Variants in DROSHA observed in about 807,000 individuals in gnomAD.
DROSHA encodes ribonuclease 3.
A neutral mutation model predicts 181.9 loss-of-function variants in DROSHA; 56 were observed. That is an observed-to-expected ratio of 0.31 (90% CI 0.25 to 0.38). DROSHA has a LOEUF of 0.38. Among genes scored for constraint, DROSHA ranks in the 10% least tolerant of loss-of-function variants. DROSHA has a pLI of 1.00. For missense variants in DROSHA, 1,218 were observed against 1,743.5 expected (o/e 0.70, Z 5.37); for synonymous variants, 524 against 591.2 (o/e 0.89, Z 1.65).
intron 9 of DROSHA, among the ~76,000 whole-genome samples, chr5:31,508,991 T>C (rs1274183779): frequency 6.6e-6 from 1 of 152,064 alleles, no homozygotes; most frequent in African/African-American, 2.4e-5. Flanking sequence ...CCCAGCTATT[T>C]TTTGTGTTTT....
chr5:31,481,514 T>C (rs1482694410), intron 16 of DROSHA, among the ~76,000 whole-genome samples: 1 of 152,230 alleles, frequency 6.6e-6, no homozygotes, highest in East Asian at 1.9e-4. Flanking sequence ...AACACCATTT[T>C]CTAATAAGTT....
chr5:31,508,081 ATC>A (rs1166139482), intron 10 of DROSHA, among the ~76,000 whole-genome samples: 2 of 152,218 alleles, frequency 1.3e-5, no homozygotes, highest in Non-Finnish European at 2.9e-5. Context: ...TGTATTATAT[ATC>A]TGTGTGACAC....
intron 16 of DROSHA, among the ~76,000 whole-genome samples, chr5:31,472,539 C>T (rs370353663): frequency 6.6e-6 from 1 of 152,136 alleles, no homozygotes; most frequent in African/African-American, 2.4e-5. Flanking sequence ...TTTAAAGCCA[C>T]CTAGCATAAA....
Position 31,515,230 on chromosome 5 carries a change from G to A in DROSHA, c.1059-11C>T. The stretch of plus-strand genomic sequence containing the variant: ...CTACTTGGGGAGCGACTTCAAAAGA[G>A]GGCAAAGGAGGTTAATTATTAAAAA... On this transcript the variant is annotated splice_polypyrimidine_tract_variant and intron_variant, in intron 7 of 35. Coordinates refer to ENST00000344624, the MANE Select transcript of DROSHA (RefSeq NM_001382508.1). The A allele has an allele frequency of 6.3e-7, 1 of 1,591,528 alleles. No homozygotes were observed. Among genetic ancestry groups the A allele is most frequent in the Non-Finnish European group, 8.5e-7 (1 of 1,173,748 alleles).
At chr5:31,531,384 T>G (rs144001786) in intron 2 of DROSHA, 66 bp downstream of exon 2, 5 of 152,350 alleles carry the variant, frequency 3.3e-5, no homozygotes, top group African/African-American at 1.2e-4. Flanking sequence ...ATTGACCTAT[T>G]GAAGGCATAG....
At chr5:31,408,773 T>C (rs1335898075) in intron 33 of DROSHA, 2 of 284,630 alleles carry the variant, frequency 7.0e-6, no homozygotes, top group Admixed American at 4.7e-5. Flanking sequence ...TTCTTTTTAA[T>C]CTCATAATCT....
chr5:31,531,580 G>C (rs1026325550), intron 1 of DROSHA, 55 bp from the exon 2 acceptor site: 1 of 152,204 alleles, frequency 6.6e-6, no homozygotes, highest in African/African-American at 2.4e-5. Context: ...ATTTTAAAGT[G>C]TGACTACATT....
chr5:31,462,966 C>T (rs1561200335), intron 20 of DROSHA, among the ~76,000 whole-genome samples: 1 of 152,146 alleles, frequency 6.6e-6, no homozygotes, highest in Non-Finnish European at 1.5e-5. Context: ...TGACTTATCA[C>T]TGAGATCATC....
chr5:31,503,684 T>C (rs1394957519), intron 11 of DROSHA, among the ~76,000 whole-genome samples: 2 of 152,172 alleles, frequency 1.3e-5, no homozygotes, highest in Admixed American at 1.3e-4. Context: ...CCTCTGCTCT[T>C]TTCCTGTCAC....
At chr5:31,418,463 C>T (rs2149993428) in intron 30 of DROSHA, among the ~76,000 whole-genome samples, 1 of 152,140 alleles carries the variant, frequency 6.6e-6, no homozygotes, top group East Asian at 1.9e-4. Flanking sequence ...GAGATGGAGT[C>T]TCATTATGTT....
rs1470205523 is a variant in DROSHA, at chr5:31,470,257, T to C, written c.2241+1806A>G. On this transcript the variant is annotated intron_variant, in intron 17 of 35. Coordinates refer to ENST00000344624, the MANE Select transcript of DROSHA (RefSeq NM_001382508.1). This position sits in a 1 kb window ranked among gnomAD's most constrained non-coding sequence, Gnocchi z 4.0. ...TCATGCCAATAATTTCTACAATTTC[T>C]CAATTCCTCAGAGATCTTACTGTTT... 6.6e-6 allele frequency among the ~76,000 whole-genome samples: 1 copy of C among 152,220 alleles called. No individual in the cohort carries two copies. The highest frequency in any genetic ancestry group is 1.5e-5 in the Non-Finnish European group (1 of 68,038).
At chr5:31,440,540 G>GA (rs1745449099) in intron 23 of DROSHA, among the ~76,000 whole-genome samples, 1 of 152,114 alleles carries the variant, frequency 6.6e-6, no homozygotes, top group East Asian at 1.9e-4. Context: ...AAGGTAATAG[G>GA]AAAAATCTGC....
At chr5:31,479,743 T>C (rs1750805429) in intron 16 of DROSHA, among the ~76,000 whole-genome samples, 1 of 152,154 alleles carries the variant, frequency 6.6e-6, no homozygotes, top group South Asian at 2.1e-4. Flanking sequence ...ATAACATATA[T>C]TCACTATATA....
At chr5:31,437,348 C>CCCCA in intron 23 of DROSHA, 50 bp from the exon 24 acceptor site, 2 of 1,288,104 alleles carry the variant, frequency 1.6e-6, no homozygotes, top group Non-Finnish European at 2.1e-6. Flanking sequence ...TAACACTCCC[C>CCCCA]CCCACCCACC....
intron 16 of DROSHA, among the ~76,000 whole-genome samples, chr5:31,481,378 C>CAA (rs1259518336): frequency 6.6e-6 from 1 of 152,160 alleles, no homozygotes; most frequent in Non-Finnish European, 1.5e-5. Flanking sequence ...AGTAAATATC[C>CAA]AACAGCAGAT....
intron 10 of DROSHA, among the ~76,000 whole-genome samples, chr5:31,506,387 C>A (rs1273160187): frequency 6.7e-6 from 1 of 148,590 alleles, no homozygotes; most frequent in Admixed American, 6.7e-5. Flanking sequence ...ACTTATAACA[C>A]ACTCCTAAGG....
At chr5:31,408,999 AAGTC>A in intron 33 of DROSHA, 53 bp downstream of exon 33, 1 of 1,508,314 alleles carries the variant, frequency 6.6e-7, no homozygotes, top group Non-Finnish European at 9.1e-7. Flanking sequence ...GGCACATGGA[AAGTC>A]AATTTTAGGC....
At chr5:31,501,749 C>T (rs1207727056) in intron 11 of DROSHA, among the ~76,000 whole-genome samples, 1 of 152,084 alleles carries the variant, frequency 6.6e-6, no homozygotes, top group Non-Finnish European at 1.5e-5. Flanking sequence ...ATTTTCTATC[C>T]CAATCAGAAA....
intron 13 of DROSHA, among the ~76,000 whole-genome samples, chr5:31,489,373 T>C (rs1179921068): frequency 6.6e-6 from 1 of 152,210 alleles, no homozygotes; most frequent in African/African-American, 2.4e-5. Context: ...CTCTGACCTC[T>C]TCTCTTTGTA....
Sources: allele counts gnomAD v4.1 joint callset (sites outside exome capture counted in the v4.1 genomes callset), GRCh38; gene constraint gnomAD v4.1.1; non-coding constraint Gnocchi (gnomAD v3.1); transcripts MANE v1.5; gene names NCBI Gene and HGNC (gene_info 2026-07-23, HGNC 2026-07-21).